HS3ST4: variants seen among roughly 807,000 people sequenced by gnomAD.
HS3ST4 encodes heparan sulfate glucosamine 3-O-sulfotransferase 4.
HS3ST4 carries 17 observed loss-of-function variants against 29.2 expected under a neutral mutation model. The ratio of observed to expected loss-of-function variants is 0.58; its 90% CI spans 0.40 to 0.87. The LOEUF is 0.87. HS3ST4 is among the 40% of genes least tolerant of loss of function. The pLI is 0.00. For synonymous variants in HS3ST4, 314 were observed against 285.7 expected (o/e 1.10, Z -1.00); for missense variants, 627 against 634.5 (o/e 0.99, Z 0.13).
intron 1 of HS3ST4, among the ~76,000 whole-genome samples, chr16:25,693,907 C>A (rs1215558257): frequency 3.3e-5 from 5 of 152,172 alleles, no homozygotes; most frequent in African/African-American, 1.2e-4. Context: ...CCTTTCCCAC[C>A]GTCTGCCGGT....
intron 1 of HS3ST4, among the ~76,000 whole-genome samples, chr16:25,825,195 C>T (rs946222949): frequency 1.3e-5 from 2 of 152,206 alleles, no homozygotes; most frequent in African/African-American, 4.8e-5. Flanking sequence ...AGGATTTCAG[C>T]AACCACCGGA....
chr16:25,984,770 C>T (rs1969045202), intron 1 of HS3ST4, among the ~76,000 whole-genome samples: 1 of 152,176 alleles, frequency 6.6e-6, no homozygotes, highest in African/African-American at 2.4e-5. Flanking sequence ...CATAGTATTC[C>T]ATTGTGTATA....
chr16:25,969,665 A>AT (rs2141705767), intron 1 of HS3ST4, among the ~76,000 whole-genome samples: 1 of 152,286 alleles, frequency 6.6e-6, no homozygotes, highest in South Asian at 2.1e-4. Flanking sequence ...TTACGGGCTC[A>AT]TGTCAGTGTT....
At chr16:25,706,970 C>G (rs1303589774) in intron 1 of HS3ST4, among the ~76,000 whole-genome samples, 1 of 152,178 alleles carries the variant, frequency 6.6e-6, no homozygotes, top group Non-Finnish European at 1.5e-5. Flanking sequence ...AGTTGCTCAT[C>G]ATTCTGAGTA....
intron 1 of HS3ST4, among the ~76,000 whole-genome samples, chr16:25,993,970 G>A (rs1969136486): frequency 9.4e-6 from 1 of 106,388 alleles, no homozygotes; most frequent in African/African-American, 2.9e-5. Context: ...GTGTGTGTGT[G>A]TGTGTGTGTG....
intron 1 of HS3ST4, among the ~76,000 whole-genome samples, chr16:25,863,899 A>G (rs904734363): frequency 3.3e-5 from 5 of 152,248 alleles, no homozygotes; most frequent in African/African-American, 4.8e-5. Context: ...AAAGAAATTA[A>G]TGTTCTTACA....
chr16:25,828,780 T>A (rs1368757927), intron 1 of HS3ST4, among the ~76,000 whole-genome samples: 1 of 152,174 alleles, frequency 6.6e-6, no homozygotes, highest in African/African-American at 2.4e-5. Context: ...TCTGTTCTTG[T>A]GTTAGTTTGC....
intron 1 of HS3ST4, among the ~76,000 whole-genome samples, chr16:26,022,988 G>A (rs937674804): frequency 2.0e-5 from 3 of 152,066 alleles, no homozygotes; most frequent in Non-Finnish European, 2.9e-5. Context: ...GTTGCAATGA[G>A]CCGAGGTCAT....
intron 1 of HS3ST4, among the ~76,000 whole-genome samples, chr16:25,792,754 T>C (rs1163415856): frequency 6.6e-6 from 1 of 151,874 alleles, no homozygotes; most frequent in African/African-American, 2.4e-5. Context: ...TTTGTGTGTC[T>C]TTTCAAAGAG....
chr16:26,017,441 A>C (rs368131732), intron 1 of HS3ST4, among the ~76,000 whole-genome samples: 2 of 152,230 alleles, frequency 1.3e-5, no homozygotes, highest in African/African-American at 4.8e-5. Flanking sequence ...AATACATTAC[A>C]TGAAAGCAAT....
chr16:26,120,077 G>GTGTGTGTGTGTA lies in HS3ST4; in HGVS notation c.735-15524_735-15523insATGTGTGTGTGT, dbSNP rs1899254584. ...AGTGTGTGTGTGTGTGTGTATGTGT[G>GTGTGTGTGTGTA]TGTGTGTGTGTGTGTATATGTGTGT... On this transcript the variant is annotated intron_variant, in intron 1 of 1. Transcript: ENST00000331351. Among the ~76,000 whole-genome samples the GTGTGTGTGTGTA allele has an allele frequency of 3.0e-5, 4 of 133,582 alleles. 1 individual carries two copies. Among genetic ancestry groups the GTGTGTGTGTGTA allele is most frequent in the Admixed American group, 7.5e-5 (1 of 13,266 alleles). The allele number at this position is 133,582 out of a possible 152,430, so 87.6% of individuals were successfully genotyped here.
chr16:25,820,460 CAT>C (rs1967138815), intron 1 of HS3ST4, among the ~76,000 whole-genome samples: 1 of 152,154 alleles, frequency 6.6e-6, no homozygotes. Context: ...GTGGTGCAGT[CAT>C]AGCTCACTGT....
At chr16:26,042,511 T>C (rs1327234322) in intron 1 of HS3ST4, among the ~76,000 whole-genome samples, 1 of 152,230 alleles carries the variant, frequency 6.6e-6, no homozygotes, top group Non-Finnish European at 1.5e-5. Flanking sequence ...CATCTAATAG[T>C]CACAATCCTT....
In HS3ST4 at chr16:25,749,230, A is replaced by G. The variant is rs1339509455; in HGVS notation, c.734+56079A>G. On this transcript the variant is annotated intron_variant, in intron 1 of 1. Coordinates refer to ENST00000331351, the MANE Select transcript of HS3ST4 (RefSeq NM_006040.3). ...GCTGTGGGGCCGGGTGCAGTGGCTC[A>G]CACCTGTAATCCCAGCACTTTGGGA... Among the ~76,000 whole-genome samples, 3 of 152,194 alleles carry G rather than the reference A, an allele frequency of 2.0e-5. No homozygotes were observed. In the South Asian group the frequency reaches 6.2e-4, roughly 32 times the overall value.
intron 1 of HS3ST4, among the ~76,000 whole-genome samples, chr16:26,066,624 G>T (rs1414169734): frequency 6.6e-6 from 1 of 152,102 alleles, no homozygotes; most frequent in Non-Finnish European, 1.5e-5. Context: ...CTGTCACTTA[G>T]GTAAATGAGA....
chr16:26,045,861 C>G (rs1199275818), intron 1 of HS3ST4, among the ~76,000 whole-genome samples: 2 of 152,124 alleles, frequency 1.3e-5, no homozygotes, highest in Non-Finnish European at 1.5e-5. Flanking sequence ...TATTTTAACT[C>G]TCTTTATTTT....
At chr16:26,057,993 C>T (rs909421055) in intron 1 of HS3ST4, among the ~76,000 whole-genome samples, 3 of 152,092 alleles carry the variant, frequency 2.0e-5, no homozygotes, top group Admixed American at 6.5e-5. Context: ...GAATTAAAAT[C>T]GAGTTTGATG....
chr16:25,867,492 T>C (rs1019172367), intron 1 of HS3ST4, among the ~76,000 whole-genome samples: 3 of 152,164 alleles, frequency 2.0e-5, no homozygotes, highest in Admixed American at 6.5e-5. Context: ...ACTGATTTCC[T>C]TTACCAAATT....
At chr16:26,070,317 G>A (rs184947918) in intron 1 of HS3ST4, among the ~76,000 whole-genome samples, 87 of 152,300 alleles carry the variant, frequency 5.7e-4, no homozygotes, top group African/African-American at 2.1e-3. Context: ...GTGATGATGA[G>A]CATTTTTTCA....
Sources: gnomAD v4.1 joint callset for allele counts (sites outside exome capture counted in the v4.1 genomes callset) on GRCh38, gnomAD v4.1.1 for gene constraint, MANE v1.5 for transcripts, NCBI Gene and HGNC (gene_info 2026-07-23, HGNC 2026-07-21) for gene names.